C19orf38: variants seen among roughly 807,000 people sequenced by gnomAD.
C19orf38 encodes protein HIDE1.
Under a neutral mutation model 26.6 loss-of-function variants are expected in C19orf38, and 14 were observed. That is an observed-to-expected ratio of 0.53 (90% CI 0.35 to 0.82). The LOEUF (loss-of-function observed/expected upper bound fraction) is 0.82. Among genes scored for constraint, C19orf38 ranks in the 40% least tolerant of loss-of-function variants. The pLI, the probability that C19orf38 is intolerant of heterozygous loss-of-function variation, is 0.01. For synonymous variants in C19orf38, 132 were observed against 128.5 expected (o/e 1.03, Z -0.18); for missense variants, 261 against 299.5 (o/e 0.87, Z 0.95).
chr19:10,851,173 C>A (rs932654879), intron 2 of C19orf38, among the ~76,000 whole-genome samples: 5 of 152,174 alleles, frequency 3.3e-5, no homozygotes, highest in African/African-American at 1.2e-4. Context: ...TCTGCCTCAG[C>A]CTCCTGAGTA....
chr19:10,846,589 A>G (rs1224438961), upstream of C19orf38, among the ~76,000 whole-genome samples: 3 of 152,314 alleles, frequency 2.0e-5, no homozygotes, highest in Admixed American at 2.0e-4. Context: ...TGGCACTTTG[A>G]AAAGATCAAT....
chr19:10,844,585 C>T (rs1416622684), upstream of C19orf38, among the ~76,000 whole-genome samples: 8 of 151,670 alleles, frequency 5.3e-5, no homozygotes, highest in African/African-American at 1.9e-4. Flanking sequence ...CAGTGGCTCA[C>T]GCCTGTAATC....
intron 1 of C19orf38, 39 bp from the exon 2 acceptor site, chr19:10,850,220 C>T: frequency 1.3e-6 from 2 of 1,503,276 alleles, no homozygotes; most frequent in Non-Finnish European, 1.8e-6. Context: ...AGCCTCCACT[C>T]TCACCACGCA....
chr19:10,850,166 C>A, intron 1 of C19orf38, 93 bp from the exon 2 acceptor site: 1 of 1,250,444 alleles, frequency 8.0e-7, no homozygotes, highest in Non-Finnish European at 1.1e-6. Flanking sequence ...AAACACAAGG[C>A]TGAGGGAGGG....
At chr19:10,848,256 T>C (rs1041560948), upstream of C19orf38, 7 of 494,182 alleles carry the variant, frequency 1.4e-5, no homozygotes, top group African/African-American at 7.7e-5. Flanking sequence ...TCCATTTTTT[T>C]CCCCTCTAAT....
At chr19:10,866,921 A>G (rs969572823) in intron 6 of C19orf38, among the ~76,000 whole-genome samples, 8 of 151,930 alleles carry the variant, frequency 5.3e-5, no homozygotes, top group Non-Finnish European at 1.2e-4. Flanking sequence ...GATTATAAGC[A>G]TGAGCCACTG....
intron 1 of C19orf38, among the ~76,000 whole-genome samples, chr19:10,839,851 A>C (rs1420048669): frequency 6.6e-6 from 1 of 151,750 alleles, no homozygotes; most frequent in African/African-American, 2.4e-5. Context: ...CAGCCTCCCA[A>C]GTAGCTGGGA....
rs2073536056 is a variant in C19orf38, at chr19:10,848,473, G to T, written c.-36G>T. On this transcript the variant is annotated 5_prime_UTR_variant, in exon 1 of 7. Coordinates refer to ENST00000397820, the MANE Select transcript of C19orf38 (RefSeq NM_001136482.3). ...TGGCGGGGAGCCTTGGGCCCCTCTG[G>T]CCTCAGCCGGATTTCCCAGCCAAAC... The T allele has an allele frequency of 6.4e-7, 1 of 1,551,206 alleles. No individual in the cohort carries two copies. The highest frequency in any genetic ancestry group is 8.7e-7 in the Non-Finnish European group (1 of 1,146,728).
At chr19:10,843,076 G>A (rs111269794) in intron 1 of C19orf38, among the ~76,000 whole-genome samples, 7 of 152,206 alleles carry the variant, frequency 4.6e-5, no homozygotes, top group Admixed American at 6.5e-5. Flanking sequence ...GGCTGGATCC[G>A]GGGCTTTTTA....
intron 5 of C19orf38, among the ~76,000 whole-genome samples, chr19:10,861,877 C>G (rs987969227): frequency 6.6e-6 from 1 of 151,790 alleles, no homozygotes; most frequent in African/African-American, 2.4e-5. Context: ...CGTGAGCCAC[C>G]GCCCTTTTGT....
At chr19:10,863,538 A>G (rs966591930) in intron 6 of C19orf38, among the ~76,000 whole-genome samples, 1 of 152,178 alleles carries the variant, frequency 6.6e-6, no homozygotes, top group Non-Finnish European at 1.5e-5. Flanking sequence ...CAGAGGATTC[A>G]GGGTGACCTG....
upstream of C19orf38, among the ~76,000 whole-genome samples, chr19:10,843,900 G>A (rs923961205): frequency 7.2e-5 from 11 of 152,106 alleles, no homozygotes; most frequent in Non-Finnish European, 1.3e-4. Context: ...ATCATTCGAG[G>A]TCAGGAGTTC....
chr19:10,842,360 A>C, intron 1 of C19orf38: 2 of 568,508 alleles, frequency 3.5e-6, no homozygotes, highest in Non-Finnish European at 6.3e-6. Context: ...TCCCGGGTTC[A>C]CACCATTCTC....
chr19:10,855,971 T>C (rs1052497481), intron 2 of C19orf38, among the ~76,000 whole-genome samples: 5 of 152,138 alleles, frequency 3.3e-5, no homozygotes, highest in Non-Finnish European at 5.9e-5. Flanking sequence ...GCCTAAGATA[T>C]CTATCCTATG....
At chr19:10,841,803 T>A (rs1224795063) in intron 1 of C19orf38, 13 of 1,101,588 alleles carry the variant, frequency 1.2e-5, no homozygotes, top group Non-Finnish European at 1.8e-5. Context: ...TGAGATCCCA[T>A]CTCCACAAAA....
At chr19:10,843,442 T>G (rs2073493597), upstream of C19orf38, among the ~76,000 whole-genome samples, 1 of 152,232 alleles carries the variant, frequency 6.6e-6, no homozygotes, top group South Asian at 2.1e-4. Flanking sequence ...GTAGCTGGGT[T>G]GAGCCCCCTC....
chr19:10,852,085 G>C (rs2073579039), intron 2 of C19orf38, among the ~76,000 whole-genome samples: 1 of 151,948 alleles, frequency 6.6e-6, no homozygotes, highest in African/African-American at 2.4e-5. Flanking sequence ...CTGGGAGGCG[G>C]AGGTTACAGT....
At chr19:10,853,001 A>G (rs941019377) in intron 2 of C19orf38, among the ~76,000 whole-genome samples, 1 of 151,464 alleles carries the variant, frequency 6.6e-6, no homozygotes, top group Non-Finnish European at 1.5e-5. Flanking sequence ...CCTTGAGCCA[A>G]GGAGTTCAAG....
upstream of C19orf38, among the ~76,000 whole-genome samples, chr19:10,843,803 G>A (rs751340532): frequency 2.9e-4 from 44 of 152,290 alleles, no homozygotes; most frequent in Non-Finnish European, 5.3e-4. Flanking sequence ...TGTGCTCCGA[G>A]AGGAGGAGGA....
Sources: allele counts gnomAD v4.1 joint callset (sites outside exome capture counted in the v4.1 genomes callset), GRCh38; gene constraint gnomAD v4.1.1; transcripts MANE v1.5; gene names NCBI Gene and HGNC (gene_info 2026-07-23, HGNC 2026-07-21).